SCHIP1: variants seen among roughly 807,000 people sequenced by gnomAD.
The protein encoded by SCHIP1 is schwannomin interacting protein 1.
SCHIP1 carries 8 observed loss-of-function variants against 29.7 expected under a neutral mutation model. The observed-to-expected ratio is 0.27, with a 90% CI of 0.16 to 0.49. SCHIP1 has a LOEUF of 0.49. Among genes scored for constraint, SCHIP1 ranks in the 20% least tolerant of loss-of-function variants. SCHIP1 has a pLI of 0.99. For missense variants in SCHIP1, 193 were observed against 294.6 expected (o/e 0.66, Z 2.52); for synonymous variants, 76 against 94.9 (o/e 0.80, Z 1.16).
chr3:159,889,316 T>C (rs562985333), intron 5 of SCHIP1, among the ~76,000 whole-genome samples: 1 of 152,342 alleles, frequency 6.6e-6, no homozygotes, highest in African/African-American at 2.4e-5. Context: ...GTAGGTATCA[T>C]CATCATCAAT....
the SCHIP1 span, among the ~76,000 whole-genome samples, chr3:159,785,328 G>C: frequency 6.6e-6 from 1 of 152,212 alleles, no homozygotes. Flanking sequence ...CAGAACAGTT[G>C]TGCAACATCT....
chr3:159,603,407 C>T, the SCHIP1 span, among the ~76,000 whole-genome samples: 3 of 152,152 alleles, frequency 2.0e-5, no homozygotes, highest in Admixed American at 6.6e-5. Flanking sequence ...CTCTTCCCTA[C>T]CTGGAGGTTG....
the SCHIP1 span, among the ~76,000 whole-genome samples, chr3:159,499,072 C>A: frequency 1.3e-5 from 2 of 152,126 alleles, no homozygotes; most frequent in African/African-American, 2.4e-5. Context: ...TCAACCCCAC[C>A]CCCATTAACA....
At chr3:159,854,557 A>G (rs1713089025) in intron 1 of SCHIP1, among the ~76,000 whole-genome samples, 1 of 152,186 alleles carries the variant, frequency 6.6e-6, no homozygotes, top group Non-Finnish European at 1.5e-5. Flanking sequence ...GACAGGAATG[A>G]GCACCAAGGT....
chr3:159,518,497 A>G, the SCHIP1 span, among the ~76,000 whole-genome samples: 2 of 152,268 alleles, frequency 1.3e-5, no homozygotes, highest in East Asian at 3.9e-4. Flanking sequence ...ACAACAATGG[A>G]AAACTCGTAG....
chr3:159,504,071 A>T, the SCHIP1 span, among the ~76,000 whole-genome samples: 9 of 152,288 alleles, frequency 5.9e-5, no homozygotes, highest in African/African-American at 1.4e-4. Context: ...GACTATTCAG[A>T]TCTGTTTTTT....
rs572251864 is a variant in SCHIP1 at position 159,865,337 on chromosome 3, T to C, written c.31-826T>C. Among the ~76,000 whole-genome samples the C allele has an allele frequency of 2.0e-5, 3 of 152,338 alleles. No homozygotes were observed. In the East Asian group the frequency reaches 5.8e-4, roughly 29 times the overall value. On this transcript the variant is annotated intron_variant, in intron 1 of 6. Coordinates refer to ENST00000445224, the Ensembl canonical transcript of SCHIP1. ...TCATTTTTAATCTTCTCCCCTGTTG[T>C]TTAAAGGGTTTAAAAGTTCAGCATG...
At chr3:159,367,376 AAC>A in the SCHIP1 span, among the ~76,000 whole-genome samples, 1 of 151,572 alleles carries the variant, frequency 6.6e-6, no homozygotes, top group Non-Finnish European at 1.5e-5. Flanking sequence ...CAGCCTGGGC[AAC>A]AAGACCAAAA....
At chr3:159,412,105 C>T in the SCHIP1 span, among the ~76,000 whole-genome samples, 108 of 152,302 alleles carry the variant, frequency 7.1e-4, no homozygotes, top group Non-Finnish European at 1.5e-3. Flanking sequence ...AAAGTAGTTA[C>T]TGTTATCCAT....
the SCHIP1 span, among the ~76,000 whole-genome samples, chr3:159,508,793 A>T: frequency 6.6e-6 from 1 of 152,186 alleles, no homozygotes; most frequent in Non-Finnish European, 1.5e-5. Context: ...TGAGTTTCTT[A>T]ATCCTGAGTT....
Position 159,888,849 on chromosome 3 carries a change from CT to C in SCHIP1, c.497del (p.Leu166Ter). On this transcript the variant is annotated frameshift_variant, in exon 5 of 7. Transcript: ENST00000445224. LOFTEE classifies it high-confidence loss of function. The stretch of plus-strand genomic sequence containing the variant: ...CACACATGCCTCATATAAGTGAATG[CT>C]TGATGAAAAGAAGTTTAAAACCCAC... 6.2e-7 allele frequency: 1 copy of C among 1,613,990 alleles called. No individual in the cohort carries two copies. Among genetic ancestry groups the C allele is most frequent in the Non-Finnish European group, 8.5e-7 (1 of 1,179,948 alleles).
At chr3:159,490,896 T>G in the SCHIP1 span, among the ~76,000 whole-genome samples, 1 of 152,196 alleles carries the variant, frequency 6.6e-6, no homozygotes, top group African/African-American at 2.4e-5. Context: ...CCAAGAAGTT[T>G]AGAATCTGAT....
intron 1 of SCHIP1, 53 bp from the exon 3 acceptor site, chr3:159,866,110 G>A (rs1714598011): frequency 6.6e-7 from 1 of 1,521,696 alleles, no homozygotes; most frequent in Non-Finnish European, 9.1e-7. Context: ...ACTGCCTGTG[G>A]TTGTGCTATA....
At chr3:159,622,954 C>T in the SCHIP1 span, among the ~76,000 whole-genome samples, 1 of 152,036 alleles carries the variant, frequency 6.6e-6, no homozygotes, top group African/African-American at 2.4e-5. Flanking sequence ...ATGGAGGAAA[C>T]ATATGTGCAT....
the SCHIP1 span, among the ~76,000 whole-genome samples, chr3:159,488,075 G>A: frequency 2.0e-3 from 308 of 152,260 alleles, 3 homozygotes; most frequent in African/African-American, 7.0e-3. Flanking sequence ...ATCAAGGAAT[G>A]CTGGCTGAAC....
the SCHIP1 span, among the ~76,000 whole-genome samples, chr3:159,560,153 C>T: frequency 6.6e-6 from 1 of 152,152 alleles, no homozygotes; most frequent in Non-Finnish European, 1.5e-5. Flanking sequence ...TTTGTTACTA[C>T]TAACAAGCTC....
intron 2 of SCHIP1, among the ~76,000 whole-genome samples, chr3:159,878,730 A>T (rs1195582934): frequency 2.1e-4 from 31 of 149,732 alleles, no homozygotes; most frequent in African/African-American, 7.3e-4. Context: ...GTGAGCCGAG[A>T]TCCCGCCACT....
At chr3:159,378,282 A>C in the SCHIP1 span, among the ~76,000 whole-genome samples, 1,710 of 152,300 alleles carry the variant, frequency 0.011, 19 homozygotes, top group South Asian at 0.033. Flanking sequence ...CTCAGGTTTA[A>C]TGCATCAGAC....
At chr3:159,608,055 C>T in the SCHIP1 span, among the ~76,000 whole-genome samples, 1 of 152,204 alleles carries the variant, frequency 6.6e-6, no homozygotes, top group Non-Finnish European at 1.5e-5. Flanking sequence ...ATTGGGGAAG[C>T]CATTGGGCTG....
Sources: gnomAD v4.1 joint callset for allele counts (sites outside exome capture counted in the v4.1 genomes callset) on GRCh38, gnomAD v4.1.1 for gene constraint, MANE v1.5 for transcripts, NCBI Gene and HGNC (gene_info 2026-07-23, HGNC 2026-07-21) for gene names.